MEIKIN: variants seen among roughly 807,000 people sequenced by gnomAD.
MEIKIN encodes meiotic kinetochore factor.
At chr5:131,878,876 T>TAAAA in intron 9 of MEIKIN, 102 bp downstream of exon 9, 3 of 315,304 alleles carry the variant, frequency 9.5e-6, no homozygotes, top group Non-Finnish European at 1.1e-5. Context: ...CCCCATTTCT[T>TAAAA]AAAAAAAAAA....
chr5:131,825,533 C>T (rs1023385718), intron 11 of MEIKIN, among the ~76,000 whole-genome samples: 2 of 152,162 alleles, frequency 1.3e-5, no homozygotes, highest in Non-Finnish European at 2.9e-5. Flanking sequence ...GGCTTGAGGT[C>T]AGGGTTTCTA....
At chr5:131,835,224 G>GTA (rs1328078058) in intron 11 of MEIKIN, among the ~76,000 whole-genome samples, 4 of 150,860 alleles carry the variant, frequency 2.7e-5, no homozygotes, top group African/African-American at 9.8e-5. Context: ...ATATATATGT[G>GTA]TATATATATG....
intron 8 of MEIKIN, 89 bp downstream of exon 8, chr5:131,911,726 G>A (rs1751337813): frequency 2.6e-6 from 1 of 389,852 alleles, no homozygotes; most frequent in Non-Finnish European, 4.5e-6. Flanking sequence ...GTTAATGCAT[G>A]TTGCAGGTAG....
At chr5:131,923,242 A>C (rs1365503812) in intron 5 of MEIKIN, among the ~76,000 whole-genome samples, 2 of 152,084 alleles carry the variant, frequency 1.3e-5, no homozygotes, top group African/African-American at 4.8e-5. Context: ...GCATAAATCC[A>C]TTCCATTTAT....
chr5:131,873,938 G>A (rs527950701), intron 9 of MEIKIN, among the ~76,000 whole-genome samples: 9 of 152,296 alleles, frequency 5.9e-5, no homozygotes, highest in African/African-American at 2.2e-4. Context: ...GATGTTCTTT[G>A]AAACCAACGA....
At chr5:131,871,383 C>T (rs1332051184) in intron 9 of MEIKIN, among the ~76,000 whole-genome samples, 2 of 152,190 alleles carry the variant, frequency 1.3e-5, no homozygotes. Flanking sequence ...GTCCTACGCC[C>T]AGAGTCTCGC....
chr5:131,917,035 ATT>A, intron 6 of MEIKIN, 110 bp from the exon 7 acceptor site: 1 of 380,290 alleles, frequency 2.6e-6, no homozygotes, highest in Non-Finnish European at 4.7e-6. Flanking sequence ...CTTTTTAAAT[ATT>A]GTTTTTATGT....
intron 11 of MEIKIN, among the ~76,000 whole-genome samples, chr5:131,821,094 T>A (rs1353471174): frequency 6.6e-6 from 1 of 152,186 alleles, no homozygotes; most frequent in South Asian, 2.1e-4. Context: ...CGTCATTAGA[T>A]TGCTTATTTG....
chr5:131,914,861 TA>T (rs977200639), intron 7 of MEIKIN, among the ~76,000 whole-genome samples: 19 of 152,030 alleles, frequency 1.2e-4, no homozygotes, highest in East Asian at 7.8e-4. Context: ...AATATGCAGA[TA>T]GGGGTAATAA....
At chr5:131,935,662 T>C (rs2149653609) in intron 4 of MEIKIN, among the ~76,000 whole-genome samples, 1 of 152,260 alleles carries the variant, frequency 6.6e-6, no homozygotes, top group Non-Finnish European at 1.5e-5. Flanking sequence ...AAACCTATTA[T>C]CTCCTGCCCT....
chr5:131,877,773 C>T (rs554255358), intron 9 of MEIKIN, among the ~76,000 whole-genome samples: 11 of 152,198 alleles, frequency 7.2e-5, no homozygotes, highest in Admixed American at 7.2e-4. Context: ...GCACCCTGCC[C>T]CCCAGTCACC....
chr5:131,813,580 C>G (rs1773042659), intron 12 of MEIKIN, among the ~76,000 whole-genome samples: 1 of 152,010 alleles, frequency 6.6e-6, no homozygotes, highest in Non-Finnish European at 1.5e-5. Flanking sequence ...GCACCCGCCA[C>G]CATGCCCGGC....
chr5:131,813,663 A>C (rs926207977), intron 12 of MEIKIN, among the ~76,000 whole-genome samples: 12 of 151,858 alleles, frequency 7.9e-5, no homozygotes, highest in Non-Finnish European at 1.6e-4. Context: ...TCCTGATCTC[A>C]TGATCCGCCC....
In MEIKIN at chr5:131,933,549, G is replaced by A. The variant is rs1272986791; in HGVS notation, c.442C>T (p.Pro148Ser). ...GATTTTCTGAACAGTTCAGGTGATG[G>A]AAAGCTCTCTTCAAAACTCTTGTAT... ...AEYKSFEESF[P>S]SPELFRKSDY... Residue 148 changes from proline to serine, a missense_variant, in exon 5 of 13, where the codon CCA becomes TCA. Physicochemically the swap from Pro to Ser is moderately conservative, Grantham distance 74 (BLOSUM62 -1). Transcript: ENST00000442687. 2.5e-6 allele frequency: 1 copy of A among 398,698 alleles called. No individual in the cohort carries two copies. The highest frequency in any genetic ancestry group is 4.4e-6 in the Non-Finnish European group (1 of 225,972). The allele number at this position is 398,698 out of a possible 1,614,324, so 24.7% of individuals were successfully genotyped here.
intron 5 of MEIKIN, among the ~76,000 whole-genome samples, chr5:131,930,734 T>C (rs192320813): frequency 1.2e-4 from 19 of 152,276 alleles, no homozygotes; most frequent in African/African-American, 4.6e-4. Context: ...GCTCAAGTGA[T>C]CCTCCCACCT....
intron 8 of MEIKIN, 66 bp downstream of exon 8, chr5:131,911,749 C>G: frequency 7.6e-6 from 3 of 393,922 alleles, no homozygotes; most frequent in Non-Finnish European, 1.3e-5. Context: ...AAAATAAACA[C>G]AGAATCGTGT....
chr5:131,943,227 A>C (rs1313596157), intron 3 of MEIKIN, among the ~76,000 whole-genome samples: 1 of 152,208 alleles, frequency 6.6e-6, no homozygotes, highest in African/African-American at 2.4e-5. Context: ...CCCAGCATTC[A>C]AAGAAATGAA....
At chr5:131,924,470 C>T (rs1424306672) in intron 5 of MEIKIN, among the ~76,000 whole-genome samples, 1 of 152,182 alleles carries the variant, frequency 6.6e-6, no homozygotes, top group Non-Finnish European at 1.5e-5. Context: ...TATCCACACC[C>T]TTGCCAACAT....
intron 12 of MEIKIN, among the ~76,000 whole-genome samples, chr5:131,816,998 C>A (rs192856786): frequency 6.6e-6 from 1 of 152,240 alleles, no homozygotes; most frequent in African/African-American, 2.4e-5. Flanking sequence ...AATCAGTGGA[C>A]TGAATAAAGA....
Sources: allele counts gnomAD v4.1 joint callset (sites outside exome capture counted in the v4.1 genomes callset), GRCh38; gene constraint gnomAD v4.1.1; transcripts MANE v1.5; gene names NCBI Gene and HGNC (gene_info 2026-07-23, HGNC 2026-07-21).